Variants in CDX4 observed in about 807,000 individuals in gnomAD.
The protein encoded by CDX4 is caudal type homeobox 4, also known as homeobox protein CDX-4.
CDX4 carries 11 observed loss-of-function variants against 14.1 expected under a neutral mutation model. That is an observed-to-expected ratio of 0.78 (90% confidence interval 0.49 to 1.29). The LOEUF (loss-of-function observed/expected upper bound fraction) is 1.29. CDX4 is among the 50% of genes most tolerant of loss of function. The pLI, the probability that CDX4 is intolerant of heterozygous loss-of-function variation, is 0.00. For missense variants in CDX4, 257 were observed against 237.4 expected, an observed-to-expected ratio of 1.08 and a Z score of -0.54; for synonymous variants, 100 against 93.5, an observed-to-expected ratio of 1.07 and a Z score of -0.40.
At position 73,454,710 on chromosome X, in the gene CDX4, G is replaced by A; in HGVS notation, c.*125G>A. On this transcript the variant is annotated 3_prime_UTR_variant, in exon 3 of 3. Transcript: ENST00000373514. ...AAGGCAGTATTTGGAACAGATGGAT[G>A]CACAATGGGTTGAAGATAATTTAGG... The A allele has an allele frequency of 2.1e-6, 1 of 475,676 alleles. No homozygotes were observed. Among genetic ancestry groups the A allele is most frequent in the Non-Finnish European group, 3.6e-6 (1 of 278,851 alleles). 39.2% of individuals were successfully genotyped at this position (475,676 alleles called of 1,213,427 possible).
chrX:73,447,566 C>T lies in CDX4; in HGVS notation c.313C>T (p.Pro105Ser), dbSNP rs140116090. ...TVPVNDVTSSPAAFCSTDYSN... is the reference protein window; with the variant it reads ...TVPVNDVTSSSAAFCSTDYSN... ...GCCGGTGAACGACGTGACCTCTAGCCCCGCCGCTTTCTGCTCGACCGACTA... is the reference window on the plus strand; with the variant it reads ...GCCGGTGAACGACGTGACCTCTAGCTCCGCCGCTTTCTGCTCGACCGACTA... Residue 105 changes from proline (P) to serine (S), a missense_variant, in exon 1 of 3, where the codon CCC becomes TCC. Pro to Ser is a moderately conservative substitution (Grantham distance 74, BLOSUM62 -1). Coordinates refer to ENST00000373514, the MANE Select transcript of CDX4 (RefSeq NM_005193.2). The T allele has an allele frequency of 7.4e-6, 9 of 1,211,361 alleles. No individual in the cohort carries two copies. Among genetic ancestry groups the T allele is most frequent in the Non-Finnish European group, 1.0e-5 (9 of 895,312 alleles).
intron 1 of CDX4, among the ~76,000 whole-genome samples, chrX:73,448,195 C>T (rs1023946674): frequency 9.0e-6 from 1 of 110,625 alleles, no homozygotes; most frequent in Admixed American, 9.6e-5. Context: ...CCCATCTGAG[C>T]GGGCTGTCTC....
At position 73,447,653 on chromosome X, in the gene CDX4, G is replaced by T; in HGVS notation, c.400G>T (p.Gly134Trp). 1 of 1,209,561 alleles carries T rather than the reference G, an allele frequency of 8.3e-7. No homozygotes were observed. Among genetic ancestry groups the T allele is most frequent in the African/African-American group, 1.7e-5 (1 of 57,999 alleles). The change falls in exon 1 of 3, where the codon GGG (glycine) becomes TGG (tryptophan). Residue 134 changes from glycine (G) to tryptophan (W), a missense_variant. Transcript: ENST00000373514. ...CAGCAGCCTACCAGGCCAGGCTGGC[G>T]GGTCGCTTGTCCCGACGGACGCAGG... ...SGSSLPGQAG[G>W]SLVPTDAGAA...
At chrX:73,453,387 G>T (rs1268664774) in intron 1 of CDX4, 130 bp from the exon 2 acceptor site, 2 of 513,353 alleles carry the variant, frequency 3.9e-6, no homozygotes, top group South Asian at 3.8e-5. Context: ...ATGAATATTT[G>T]ATTCAAAAAT....
rs868273091 is a variant in CDX4 at position 73,447,398 on chromosome X, G to A, written c.145G>A (p.Ala49Thr). 13 of 1,211,063 alleles carry A rather than the reference G, an allele frequency of 1.1e-5. No homozygotes were observed. The highest frequency in any genetic ancestry group is 1.5e-5 in the Non-Finnish European group (13 of 895,128). ...AGCCTCCAATTTCGCTGCGGCACCG[G>A]CTTTCTCGCACTATATGGGGTATCC... ...MPASNFAAAP[A>T]FSHYMGYPHM... The change falls in exon 1 of 3, where the codon GCT (alanine) becomes ACT (threonine). Residue 49 changes from alanine to threonine, a missense_variant. Coordinates refer to ENST00000373514, the MANE Select transcript of CDX4 (RefSeq NM_005193.2).
rs1257024462 is a variant in CDX4 at position 73,447,568 on chromosome X, C to A, written c.315C>A (p.Pro105=). 2 of 1,209,733 alleles carry A rather than the reference C, an allele frequency of 1.7e-6. No homozygotes were observed. The highest frequency in any genetic ancestry group is 3.5e-5 in the African/African-American group (2 of 57,176). ...TVPVNDVTSS[P]AAFCSTDYSN... ...CGGTGAACGACGTGACCTCTAGCCC[C>A]GCCGCTTTCTGCTCGACCGACTACA... Residue 105 remains proline, a synonymous_variant, in exon 1 of 3, where the codon CCC becomes CCA. Transcript: ENST00000373514.
At chrX:73,454,295 G>C (rs1434427934) in intron 2 of CDX4, 84 bp from the exon 3 acceptor site, 8 of 633,483 alleles carry the variant, frequency 1.3e-5, no homozygotes, top group Non-Finnish European at 2.0e-5. Context: ...CATATGAAAG[G>C]GCTTTGTAAA....
chrX:73,447,356 G>A lies in CDX4; in HGVS notation c.103G>A (p.Gly35Ser), dbSNP rs767759680. 8.3e-7 allele frequency: 1 copy of A among 1,209,036 alleles called. No individual in the cohort carries two copies. Among genetic ancestry groups the A allele is most frequent in the Non-Finnish European group, 1.1e-6 (1 of 894,867 alleles). ...AGCTGGGACAGGCGGCACAGGGGGC[G>A]GTGGGAGTCCGATGCCAGCCTCCAA... ...GTAGTGGTGGGGSPMPASNFA... is the reference protein window; with the variant it reads ...GTAGTGGTGGSGSPMPASNFA... The change falls in exon 1 of 3, where the codon GGT (glycine) becomes AGT (serine). Residue 35 changes from glycine (G) to serine (S), a missense_variant. By Grantham distance (56) the Gly-to-Ser change is moderately conservative (BLOSUM62 0). Coordinates refer to ENST00000373514, the MANE Select transcript of CDX4 (RefSeq NM_005193.2).
rs1171950084 is a variant in CDX4 at position 73,447,234 on chromosome X, C to T, written c.-20C>T. The T allele has an allele frequency of 1.0e-5, 12 of 1,193,969 alleles. No individual in the cohort carries two copies. Among genetic ancestry groups the T allele is most frequent in the Non-Finnish European group, 1.4e-5 (12 of 884,992 alleles). On this transcript the variant is annotated 5_prime_UTR_variant, in exon 1 of 3. Transcript: ENST00000373514. ...AGGGACTTCAGGATGGCTTAGGGAGCGCCTTCTACCCAAGACACGATGTAC... is the reference window on the plus strand; with the variant it reads ...AGGGACTTCAGGATGGCTTAGGGAGTGCCTTCTACCCAAGACACGATGTAC...
intron 1 of CDX4, among the ~76,000 whole-genome samples, chrX:73,448,680 G>A (rs2057078538): frequency 8.9e-6 from 1 of 112,384 alleles, no homozygotes; most frequent in Admixed American, 9.4e-5. Context: ...CGAGGGAAGT[G>A]GCCGTTCCAC....
intron 1 of CDX4, among the ~76,000 whole-genome samples, chrX:73,452,246 T>A (rs758643690): frequency 5.6e-5 from 6 of 108,098 alleles, no homozygotes. Flanking sequence ...CAGAATGGGA[T>A]CTGATGCTAT....
At chrX:73,454,063 T>C (rs1037215988) in intron 2 of CDX4, among the ~76,000 whole-genome samples, 11 of 111,604 alleles carry the variant, frequency 9.9e-5, no homozygotes, top group African/African-American at 3.6e-4. Flanking sequence ...TCAGCACACC[T>C]CAGCTTCTGT....
At chrX:73,447,881 A>C in intron 1 of CDX4, 126 bp downstream of exon 1, 2 of 777,299 alleles carry the variant, frequency 2.6e-6, no homozygotes, top group Non-Finnish European at 3.6e-6. Flanking sequence ...CGACCCCTAT[A>C]TGGCTGGCTG....
Position 73,447,753 on chromosome X carries a change from C to A in CDX4, c.500C>A (p.Thr167Lys). The change falls in exon 1 of 3, where the codon ACG becomes AAG. Residue 167 changes from threonine (T) to lysine (K), a missense_variant and splice_region_variant. Physicochemically the swap from Thr to Lys is moderately conservative, Grantham distance 78. Coordinates refer to ENST00000373514, the MANE Select transcript of CDX4 (RefSeq NM_005193.2). The stretch of plus-strand genomic sequence containing the variant: ...TGGATGCGCAAGACGGTGCAGGTGA[C>A]GGGTGAGTAATCAATTCCAATGCCC... ...YAWMRKTVQV[T>K]GKTRTKEKYR... is the part of the protein sequence containing the mutation. The A allele has an allele frequency of 1.7e-6, 2 of 1,163,988 alleles. No homozygotes were observed. The highest frequency in any genetic ancestry group is 3.0e-5 in the East Asian group (1 of 33,459).
Position 73,454,642 on chromosome X carries a change from T to A in CDX4, c.*57T>A. 1 of 898,863 alleles carries A rather than the reference T, an allele frequency of 1.1e-6. No homozygotes were observed. Among genetic ancestry groups the A allele is most frequent in the Non-Finnish European group, 1.6e-6 (1 of 627,443 alleles). 74.1% of individuals were successfully genotyped at this position (898,863 alleles called of 1,213,427 possible). ...TTTTTAGTGATGTCTTTTGGGTCTC[T>A]AAGCTATCTACAGGGGAGTTGGAGC... On this transcript the variant is annotated 3_prime_UTR_variant, in exon 3 of 3. Transcript: ENST00000373514.
chrX:73,453,486 A>T (rs1271842704), intron 1 of CDX4, 31 bp from the exon 2 acceptor site: 7 of 1,167,653 alleles, frequency 6.0e-6, no homozygotes, highest in Non-Finnish European at 8.0e-6. Context: ...AAGCAGAAAA[A>T]GATTAAATGC....
chrX:73,449,330 A>G (rs1469020694), intron 1 of CDX4, among the ~76,000 whole-genome samples: 1 of 112,240 alleles, frequency 8.9e-6, no homozygotes, highest in Non-Finnish European at 1.9e-5. Context: ...AATGGATGAG[A>G]TAAAAGAAAT....
At position 73,447,441 on chromosome X, in the gene CDX4, A is replaced by G. The variant is rs1242345960; in HGVS notation, c.188A>G (p.Asp63Gly). ...YMGYPHMPSM[D>G]PHWPSLGVWG... The stretch of plus-strand genomic sequence containing the variant: ...GGGTATCCTCATATGCCCAGCATGG[A>G]TCCTCACTGGCCGTCTCTGGGAGTC... Residue 63 changes from aspartate (D) to glycine (G), a missense_variant, in exon 1 of 3, where the codon GAT (aspartate) becomes GGT (glycine). By Grantham distance (94) the Asp-to-Gly change is moderately conservative. Coordinates refer to ENST00000373514, the MANE Select transcript of CDX4 (RefSeq NM_005193.2). 8.3e-7 allele frequency: 1 copy of G among 1,209,436 alleles called. No homozygotes were observed. Among genetic ancestry groups the G allele is most frequent in the Non-Finnish European group, 1.1e-6 (1 of 894,834 alleles).
In CDX4 at chrX:73,447,087, C is replaced by A. The variant is rs2057072181; in HGVS notation, c.-167C>A. Among the ~76,000 whole-genome samples the A allele has an allele frequency of 9.0e-6, 1 of 111,366 alleles. No homozygotes were observed. Among genetic ancestry groups the A allele is most frequent in the Non-Finnish European group, 1.9e-5 (1 of 53,043 alleles). ...CTATCTATACAGGGCTGCTAGTCAC[C>A]TGGATACCCTCGTAAGAAACGTGGG... On this transcript the variant is annotated 5_prime_UTR_variant, in exon 1 of 3. The change creates a new upstream start codon in the 5' untranslated region. Coordinates refer to ENST00000373514, the MANE Select transcript of CDX4 (RefSeq NM_005193.2).
Sources: gnomAD v4.1 joint callset for allele counts (sites outside exome capture counted in the v4.1 genomes callset) on GRCh38, gnomAD v4.1.1 for gene constraint, MANE v1.5 for transcripts, NCBI Gene and HGNC (gene_info 2026-07-23, HGNC 2026-07-21) for gene names.